The following MXI1 variants were observed in gnomAD, a reference collection of about 807,000 sequenced individuals.
The protein encoded by MXI1 is max-interacting protein 1.
MXI1 carries 18 observed loss-of-function variants against 36.9 expected under a neutral mutation model. The ratio of observed to expected loss-of-function variants is 0.49; its 90% CI spans 0.34 to 0.72. The LOEUF (loss-of-function observed/expected upper bound fraction) is 0.72, where lower values mean the gene tolerates loss of function less well. MXI1 is among the 30% of genes least tolerant of loss of function. The pLI is 0.01. For synonymous variants in MXI1, 160 were observed against 146.7 expected (o/e 1.09, Z -0.65); for missense variants, 304 against 379.1 (o/e 0.80, Z 1.64).
At chr10:110,270,921 C>T (rs545219155) in intron 3 of MXI1, among the ~76,000 whole-genome samples, 1 of 152,022 alleles carries the variant, frequency 6.6e-6, no homozygotes, top group South Asian at 2.1e-4. Flanking sequence ...GAAACCCCGT[C>T]TCTAGTAAAA....
intron 2 of MXI1, among the ~76,000 whole-genome samples, chr10:110,242,496 T>A (rs1855706284): frequency 6.6e-6 from 1 of 152,094 alleles, no homozygotes; most frequent in Admixed American, 6.6e-5. Context: ...TGTATATTTA[T>A]GATCATTTTT....
intron 1 of MXI1, among the ~76,000 whole-genome samples, chr10:110,214,104 A>G (rs572912757): frequency 2.0e-4 from 31 of 152,290 alleles, no homozygotes; most frequent in African/African-American, 7.5e-4. Context: ...TGAGTTTTGA[A>G]CTTAGGCCTC....
At chr10:110,263,112 A>C in intron 3 of MXI1, among the ~76,000 whole-genome samples, 1 of 152,186 alleles carries the variant, frequency 6.6e-6, no homozygotes, top group Non-Finnish European at 1.5e-5. Context: ...AGTAAGGAAC[A>C]TTTCTGTAGC....
intron 3 of MXI1, among the ~76,000 whole-genome samples, chr10:110,251,143 C>A (rs1856069771): frequency 1.3e-5 from 2 of 150,796 alleles, no homozygotes; most frequent in South Asian, 2.1e-4. Context: ...TACTGTGTTC[C>A]TCCACTGTGC....
intron 2 of MXI1, among the ~76,000 whole-genome samples, chr10:110,233,570 C>T (rs1429151039): frequency 6.6e-6 from 1 of 151,716 alleles, no homozygotes; most frequent in African/African-American, 2.4e-5. Context: ...GTCTTTGTTC[C>T]GTAGAAAACT....
intron 1 of MXI1, among the ~76,000 whole-genome samples, chr10:110,212,394 G>A (rs1424571058): frequency 2.0e-5 from 3 of 152,186 alleles, no homozygotes; most frequent in Non-Finnish European, 4.4e-5. Context: ...CAGCAAGCAG[G>A]CTTCACAGTC....
chr10:110,258,642 T>C (rs1856398515), intron 3 of MXI1, among the ~76,000 whole-genome samples: 1 of 152,126 alleles, frequency 6.6e-6, no homozygotes, highest in African/African-American at 2.4e-5. Context: ...AAAATAGTTG[T>C]CAGAGGGCAG....
intron 3 of MXI1, among the ~76,000 whole-genome samples, chr10:110,251,716 A>T (rs1856096685): frequency 6.6e-6 from 1 of 152,190 alleles, no homozygotes; most frequent in South Asian, 2.1e-4. Context: ...AGGAGAATGT[A>T]TACTGAGCCG....
At chr10:110,214,419 C>G (rs545123241) in intron 1 of MXI1, among the ~76,000 whole-genome samples, 3 of 152,210 alleles carry the variant, frequency 2.0e-5, no homozygotes, top group South Asian at 2.1e-4. Flanking sequence ...ACACCACCCC[C>G]CTCCTGCTGC....
At chr10:110,220,653 G>T (rs761200761) in intron 1 of MXI1, among the ~76,000 whole-genome samples, 17 of 152,222 alleles carry the variant, frequency 1.1e-4, no homozygotes, top group Non-Finnish European at 2.2e-4. Flanking sequence ...AGAATGTGGG[G>T]CATCCTCTTA....
intron 1 of MXI1, among the ~76,000 whole-genome samples, chr10:110,218,535 T>C (rs1854715682): frequency 6.6e-6 from 1 of 152,038 alleles, no homozygotes; most frequent in African/African-American, 2.4e-5. Flanking sequence ...GCGACTTCCT[T>C]TTCTCCCCAC....
intron 3 of MXI1, among the ~76,000 whole-genome samples, chr10:110,256,280 C>A (rs543891641): frequency 3.5e-4 from 53 of 151,854 alleles, no homozygotes; most frequent in South Asian, 1.7e-3. Context: ...AAAACACAAC[C>A]AACAAAAGAA....
At chr10:110,231,299 G>A (rs990778519) in intron 2 of MXI1, among the ~76,000 whole-genome samples, 3 of 151,964 alleles carry the variant, frequency 2.0e-5, no homozygotes, top group Non-Finnish European at 2.9e-5. Flanking sequence ...CTTGGGAGGC[G>A]GAGGTTGCAG....
intron 1 of MXI1, chr10:110,226,323 A>C (rs1301003547): frequency 6.9e-7 from 1 of 1,453,326 alleles, no homozygotes; most frequent in Admixed American, 2.3e-5. Context: ...GAGCGCTACT[A>C]ATCTTTTTCG....
chr10:110,248,158 A>T lies in MXI1; in HGVS notation c.437+3301A>T, dbSNP rs530258866. Among the ~76,000 whole-genome samples the T allele has an allele frequency of 3.1e-3, 471 of 152,294 alleles. 4 individuals are homozygous for T. The highest frequency in any genetic ancestry group is 0.011 in the African/African-American group (440 of 41,560). On this transcript the variant is annotated intron_variant, in intron 3 of 5. Coordinates refer to ENST00000332674, the MANE Select transcript of MXI1 (RefSeq NM_130439.3). ...GGAATTGAACAATGACAACACATGG[A>T]CACAGGAAGGGGAACATCACACACC... is the stretch of plus-strand genomic sequence containing the variant.
At chr10:110,273,196 T>G (rs189521506) in intron 3 of MXI1, among the ~76,000 whole-genome samples, 3 of 151,782 alleles carry the variant, frequency 2.0e-5, no homozygotes, top group Admixed American at 6.6e-5. Context: ...TACAGGCATG[T>G]GCCACCACGC....
chr10:110,274,339 A>G (rs1411286289), intron 3 of MXI1, among the ~76,000 whole-genome samples: 1 of 152,214 alleles, frequency 6.6e-6, no homozygotes, highest in East Asian at 1.9e-4. Flanking sequence ...AACCCACTTT[A>G]AAATCTCATT....
intron 3 of MXI1, among the ~76,000 whole-genome samples, chr10:110,251,010 T>TTTTTTTTTTTTTTTTTTTTTTTGAG (rs376734108): frequency 5.1e-4 from 28 of 54,970 alleles, no homozygotes; most frequent in African/African-American, 1.0e-3. Context: ...AAGTATTTGT[T>TTTTTTTTTTTTTTTTTTTTTTTGAG]AAAAAAAAAA....
intron 1 of MXI1, chr10:110,225,861 A>G: frequency 2.9e-6 from 1 of 339,166 alleles, no homozygotes; most frequent in Non-Finnish European, 4.2e-6. Flanking sequence ...GGCGCCCTGA[A>G]ACGGCGTGTG....
Sources: gnomAD v4.1 joint callset for allele counts (sites outside exome capture counted in the v4.1 genomes callset) on GRCh38, gnomAD v4.1.1 for gene constraint, MANE v1.5 for transcripts, NCBI Gene and HGNC (gene_info 2026-07-23, HGNC 2026-07-21) for gene names.